The following TTC38 variants were observed in gnomAD, a reference collection of about 807,000 sequenced individuals.
TTC38 encodes tetratricopeptide repeat protein 38.
Under a neutral mutation model 64.2 loss-of-function variants are expected in TTC38, and 64 were observed. The ratio of observed to expected loss-of-function variants is 1.00; its 90% CI spans 0.81 to 1.23. The LOEUF (loss-of-function observed/expected upper bound fraction) is 1.23, where lower values mean the gene tolerates loss of function less well. Among genes scored for constraint, TTC38 ranks in the 50% most tolerant of loss-of-function variants. The probability of loss-of-function intolerance (pLI) is 0.00; values close to 1 mark genes in which losing one functional copy is unlikely to be tolerated. For synonymous variants in TTC38, 254 were observed against 249.3 expected, an observed-to-expected ratio of 1.02 and a Z score of -0.18; for missense variants, 573 against 615.5, an observed-to-expected ratio of 0.93 and a Z score of 0.73.
chr22:46,281,759 G>A lies in TTC38; in HGVS notation c.735+41G>A. The A allele has an allele frequency of 1.2e-6, 2 of 1,611,812 alleles. No homozygotes were observed. Among genetic ancestry groups the A allele is most frequent in the Non-Finnish European group, 1.7e-6 (2 of 1,179,550 alleles). ...ATGGGTCACCTCCCTGGGAAATTCA[G>A]TGCATCCCCTTGAGTCAGGCCAAGG... On this transcript the variant is annotated intron_variant, in intron 7 of 13. Coordinates refer to ENST00000381031, the MANE Select transcript of TTC38 (RefSeq NM_017931.4). The surrounding 1 kb of genome is among the most constrained non-coding windows in gnomAD (Gnocchi z 5.2).
chr22:46,268,431 G>A, intron 1 of TTC38, 83 bp from the exon 2 acceptor site: 1 of 1,432,822 alleles, frequency 7.0e-7, no homozygotes, highest in Middle Eastern at 1.7e-4. Flanking sequence ...GTGGAGGTCA[G>A]AGGGGCCAGG....
At chr22:46,278,114 C>T (rs978819961) in intron 5 of TTC38, among the ~76,000 whole-genome samples, 6 of 152,232 alleles carry the variant, frequency 3.9e-5, no homozygotes, top group African/African-American at 1.4e-4. Flanking sequence ...TTGCATCAGT[C>T]TCCTGCGGTT....
In TTC38 at chr22:46,288,578, G is replaced by C; in HGVS notation, c.1072G>C (p.Asp358His). Residue 358 changes from aspartate to histidine, a missense_variant, in exon 11 of 14, where the codon GAC becomes CAC. Coordinates refer to ENST00000381031, the MANE Select transcript of TTC38 (RefSeq NM_017931.4). ...TTQELLTTLRDASESPGENCQ... is the reference protein window; with the variant it reads ...TTQELLTTLRHASESPGENCQ... ...ACAGGAGCTGCTGACCACCCTGCGG[G>C]ACGCCAGCGAGTATGCAGAGGGGCC... 6.2e-7 allele frequency: 1 copy of C among 1,613,466 alleles called. No individual in the cohort carries two copies.
Position 46,269,098 on chromosome 22 carries a change from C to G in TTC38, c.111+507C>G, listed in dbSNP as rs543080332. On this transcript the variant is annotated intron_variant, in intron 2 of 13. Coordinates refer to ENST00000381031, the MANE Select transcript of TTC38 (RefSeq NM_017931.4). ...TGGGGACATATCTCTGCCCCCCCCC[C>G]ACAGCGTCCTAAAAGGGCCTCTGCA... The G allele has an allele frequency of 1.2e-3, 507 of 424,308 alleles. 6 individuals are homozygous for G. Among genetic ancestry groups the G allele is most frequent in the African/African-American group, 0.011 (486 of 45,876 alleles). 26.3% of individuals were successfully genotyped at this position (424,308 alleles called of 1,614,324 possible).
chr22:46,284,255 G>A (rs1438726716), intron 8 of TTC38, among the ~76,000 whole-genome samples: 2 of 152,228 alleles, frequency 1.3e-5, no homozygotes, highest in Admixed American at 6.5e-5. Flanking sequence ...ACCATTCAGA[G>A]CGAGTGCCTG....
intron 1 of TTC38, 90 bp downstream of exon 1, chr22:46,268,162 C>A: frequency 7.0e-7 from 1 of 1,420,162 alleles, no homozygotes; most frequent in Non-Finnish European, 9.5e-7. Context: ...AGACATGGCC[C>A]GGGCGCGGGG....
rs1338905749 is a variant in TTC38 at position 46,276,485 on chromosome 22, G to T, written c.539+1064G>T. 6.6e-6 allele frequency among the ~76,000 whole-genome samples: 1 copy of T among 152,050 alleles called. No homozygotes were observed. Among genetic ancestry groups the T allele is most frequent in the African/African-American group, 2.4e-5 (1 of 41,386 alleles). ...TAGGATTGCTTGAGCCCAGGAGTTT[G>T]AGATAAGCTTGGTCAACATGGCAAG... is the stretch of plus-strand genomic sequence containing the variant. On this transcript the variant is annotated intron_variant, in intron 5 of 13. Transcript: ENST00000381031. The surrounding 1 kb of genome is among the most constrained non-coding windows in gnomAD (Gnocchi z 4.7).
chr22:46,277,046 TACAC>T (rs4044315), intron 5 of TTC38, among the ~76,000 whole-genome samples: 5,266 of 130,996 alleles, frequency 0.04, 116 homozygotes, highest in Middle Eastern at 0.076. Flanking sequence ...TATATATACA[TACAC>T]ACACACACAC....
At chr22:46,286,172 G>A (rs2077570159) in intron 9 of TTC38, among the ~76,000 whole-genome samples, 1 of 151,668 alleles carries the variant, frequency 6.6e-6, no homozygotes, top group African/African-American at 2.4e-5. Flanking sequence ...CCAGGCCCAG[G>A]CATTCTTTTG....
chr22:46,289,537 C>A lies in TTC38; in HGVS notation c.1218C>A (p.Val406=). Residue 406 remains valine (V), a synonymous_variant, in exon 12 of 14, where the codon GTC becomes GTA. Transcript: ENST00000381031. Reference sequence around the variant, plus strand: ...TCCTGCCCATCCGCTACCGGATCGTCCAGCTCGGTGGGAGCAATGCCCAGG... The same window carrying A: ...TCCTGCCCATCCGCTACCGGATCGTACAGCTCGGTGGGAGCAATGCCCAGG... ...ELLLPIRYRI[V]QLGGSNAQRD... is the part of the protein sequence containing the mutation. 1 of 1,598,644 alleles carries A rather than the reference C, an allele frequency of 6.3e-7. No individual in the cohort carries two copies. Among genetic ancestry groups the A allele is most frequent in the Non-Finnish European group, 8.5e-7 (1 of 1,173,930 alleles).
chr22:46,268,531 G>C lies in TTC38; in HGVS notation c.51G>C (p.Arg17Ser), dbSNP rs1569010907. The change falls in exon 2 of 14, where the codon AGG becomes AGC. Residue 17 changes from arginine (R) to serine (S), a missense_variant. Transcript: ENST00000381031. Reference sequence around the variant, plus strand: ...GTCTGTAGGCCTGGAAGGATGCGAGGCTCCCGCTCTCCACCACAAGCAACG... The same window carrying C: ...GTCTGTAGGCCTGGAAGGATGCGAGCCTCCCGCTCTCCACCACAAGCAACG... ...LRDCQAWKDA[R>S]LPLSTTSNEA... is the part of the protein sequence containing the mutation. 1 of 1,614,086 alleles carries C rather than the reference G, an allele frequency of 6.2e-7. No individual in the cohort carries two copies. Among genetic ancestry groups the C allele is most frequent in the Non-Finnish European group, 8.5e-7 (1 of 1,180,036 alleles).
chr22:46,283,419 A>T (rs2077548776), intron 7 of TTC38, among the ~76,000 whole-genome samples: 1 of 152,202 alleles, frequency 6.6e-6, no homozygotes, highest in Non-Finnish European at 1.5e-5. Context: ...AGCTCAGGCG[A>T]GTAGGTTGGG....
chr22:46,289,857 C>G lies in TTC38; in HGVS notation c.1274C>G (p.Ala425Gly), dbSNP rs182313981. Residue 425 changes from alanine to glycine, a missense_variant, in exon 13 of 14, where the codon GCG becomes GGG. Ala to Gly is a moderately conservative substitution (Grantham distance 60). This residue lies in a region of TTC38 where 371 missense variants were observed against 381.8 expected (regional missense o/e 0.97). Coordinates refer to ENST00000381031, the MANE Select transcript of TTC38 (RefSeq NM_017931.4). Reference sequence around the variant, plus strand: ...GTCTTCAACCAGCTGCTGATTCACGCGGCCTTAAACTGCACCTCCAGCGTC... The same window carrying G: ...GTCTTCAACCAGCTGCTGATTCACGGGGCCTTAAACTGCACCTCCAGCGTC... ...RDVFNQLLIH[A>G]ALNCTSSVHK... 6.2e-7 allele frequency: 1 copy of G among 1,614,030 alleles called. No homozygotes were observed. The highest frequency in any genetic ancestry group is 8.5e-7 in the Non-Finnish European group (1 of 1,179,990).
chr22:46,268,140 C>A (rs968102172), intron 1 of TTC38, 68 bp downstream of exon 1: 3 of 1,483,906 alleles, frequency 2.0e-6, no homozygotes, highest in Non-Finnish European at 2.7e-6. Flanking sequence ...CCGGTGCTGG[C>A]GGAATAACGG....
chr22:46,281,010 G>A lies in TTC38; in HGVS notation c.616-589G>A, dbSNP rs143603961. ...ATGAGTCCTGCCTGCCTCGCTGGTC[G>A]CTGTCAAGCTCACAGGTCATGGGAG... On this transcript the variant is annotated intron_variant, in intron 6 of 13. Coordinates refer to ENST00000381031, the MANE Select transcript of TTC38 (RefSeq NM_017931.4). This position sits in a 1 kb window ranked among gnomAD's most constrained non-coding sequence, Gnocchi z 5.2. 3.3e-4 allele frequency among the ~76,000 whole-genome samples: 50 copies of A among 152,332 alleles called. No individual in the cohort carries two copies. The highest frequency in any genetic ancestry group is 1.1e-3 in the African/African-American group (44 of 41,584).
Position 46,275,295 on chromosome 22 carries a change from A to G in TTC38, c.413A>G (p.His138Arg). 1 of 1,614,140 alleles carries G rather than the reference A, an allele frequency of 6.2e-7. No individual in the cohort carries two copies. Among genetic ancestry groups the G allele is most frequent in the African/African-American group, 1.3e-5 (1 of 75,032 alleles). The change falls in exon 5 of 14, where the codon CAC (histidine) becomes CGC (arginine). Residue 138 changes from histidine (H) to arginine (R), a missense_variant. Around this residue, in one of 3 missense-constraint regions of TTC38, gnomAD observed 68 missense variants for 107.3 expected, o/e 0.63. Transcript: ENST00000381031. This position sits in a 1 kb window ranked among gnomAD's most constrained non-coding sequence, Gnocchi z 4.5. ...CTATGGGAACAGATTCTCCAGGACC[A>G]CCCGACAGACATGTTGGCCCTGAAA... ...CELWEQILQD[H>R]PTDMLALKFS...
rs1367652590 is a variant in TTC38, at chr22:46,291,665, C to G, written c.1317-1126C>G. On this transcript the variant is annotated intron_variant, in intron 13 of 13. Coordinates refer to ENST00000381031, the MANE Select transcript of TTC38 (RefSeq NM_017931.4). This position sits in a 1 kb window ranked among gnomAD's most constrained non-coding sequence, Gnocchi z 4.6. ...GTTTGGGTTGTTATTTTAAAAGTGC[C>G]ACAGACAGGCCGGGCACGGTGGCTC... 6.6e-6 allele frequency among the ~76,000 whole-genome samples: 1 copy of G among 152,128 alleles called. No individual in the cohort carries two copies. Among genetic ancestry groups the G allele is most frequent in the Non-Finnish European group, 1.5e-5 (1 of 68,034 alleles).
At chr22:46,289,596 C>A (rs1474848131) in intron 12 of TTC38, 35 bp downstream of exon 12, 1 of 1,555,584 alleles carries the variant, frequency 6.4e-7, no homozygotes, top group Admixed American at 1.8e-5. Flanking sequence ...GTGCCTAGGG[C>A]CTGGGCCAGG....
At position 46,281,751 on chromosome 22, in the gene TTC38, G is replaced by T; in HGVS notation, c.735+33G>T. The T allele has an allele frequency of 6.2e-7, 1 of 1,612,312 alleles. No individual in the cohort carries two copies. ...GCTTGTCAATGGGTCACCTCCCTGG[G>T]AAATTCAGTGCATCCCCTTGAGTCA... On this transcript the variant is annotated intron_variant, in intron 7 of 13. Coordinates refer to ENST00000381031, the MANE Select transcript of TTC38 (RefSeq NM_017931.4). The surrounding 1 kb of genome is among the most constrained non-coding windows in gnomAD (Gnocchi z 5.2).
Sources: gnomAD v4.1 joint callset for allele counts (sites outside exome capture counted in the v4.1 genomes callset) on GRCh38, gnomAD v4.1.1 for gene constraint, gnomAD v4.1.1 regional missense constraint, Gnocchi (gnomAD v3.1) non-coding constraint, MANE v1.5 for transcripts, NCBI Gene and HGNC (gene_info 2026-07-23, HGNC 2026-07-21) for gene names.